GRIN3A: variants seen among roughly 807,000 people sequenced by gnomAD.
GRIN3A encodes glutamate ionotropic receptor NMDA type subunit 3A.
In GRIN3A, 47 loss-of-function variants were observed where a neutral mutation model predicts 92.4. The observed-to-expected ratio is 0.51, with a 90% CI of 0.40 to 0.65. The LOEUF (loss-of-function observed/expected upper bound fraction) is 0.65. GRIN3A is among the 30% of genes least tolerant of loss of function. The pLI, the probability that GRIN3A is intolerant of heterozygous loss-of-function variation, is 0.00. For missense variants in GRIN3A, 1,324 were observed against 1,393.1 expected (o/e 0.95, Z 0.79); for synonymous variants, 527 against 540.6 (o/e 0.97, Z 0.35).
At chr9:101,609,922 C>A (rs1214808687) in intron 6 of GRIN3A, among the ~76,000 whole-genome samples, 1 of 152,182 alleles carries the variant, frequency 6.6e-6, no homozygotes, top group Non-Finnish European at 1.5e-5. Context: ...TGGTCTTGAA[C>A]TCCTGGGCTC....
In GRIN3A at chr9:101,686,642, T is replaced by A; in HGVS notation, c.1258A>T (p.Met420Leu). 6.2e-7 allele frequency: 1 copy of A among 1,614,154 alleles called. No individual in the cohort carries two copies. The highest frequency in any genetic ancestry group is 1.1e-5 in the South Asian group (1 of 91,082). ...GTGAGATTTGTAGTTTCCACCTCCATGCAGTTCATCGTGCTGGGAATGAGA... is the reference window on the plus strand; with the variant it reads ...GTGAGATTTGTAGTTTCCACCTCCAAGCAGTTCATCGTGCTGGGAATGAGA... ...LALIPSTMNC[M>L]EVETTNLTSG... Residue 420 changes from methionine to leucine, a missense_variant, in exon 2 of 9, where the codon ATG (methionine) becomes TTG (leucine). Transcript: ENST00000361820.
intron 6 of GRIN3A, among the ~76,000 whole-genome samples, chr9:101,586,355 A>G (rs1368738818): frequency 6.6e-6 from 1 of 152,172 alleles, no homozygotes; most frequent in African/African-American, 2.4e-5. Flanking sequence ...CACGGTGAAT[A>G]TTTTTTAAAT....
intron 5 of GRIN3A, among the ~76,000 whole-genome samples, chr9:101,620,440 C>T (rs930987654): frequency 1.3e-5 from 2 of 152,138 alleles, no homozygotes; most frequent in South Asian, 2.1e-4. Context: ...ATTCAGACCA[C>T]AGCAGTAGTT....
At chr9:101,724,164 G>C (rs1830052364) in intron 1 of GRIN3A, among the ~76,000 whole-genome samples, 2 of 144,948 alleles carry the variant, frequency 1.4e-5, no homozygotes, top group African/African-American at 5.0e-5. Context: ...ATGGAGCAGG[G>C]GGTGGCGTTC....
At chr9:101,578,249 A>G (rs1795124146) in intron 7 of GRIN3A, among the ~76,000 whole-genome samples, 1 of 152,184 alleles carries the variant, frequency 6.6e-6, no homozygotes, top group Non-Finnish European at 1.5e-5. Flanking sequence ...ATATTAGCAT[A>G]CAATAAGGAA....
At chr9:101,616,860 G>A (rs1588250381) in intron 5 of GRIN3A, among the ~76,000 whole-genome samples, 2 of 140,172 alleles carry the variant, frequency 1.4e-5, no homozygotes, top group East Asian at 2.1e-4. Flanking sequence ...CCTGCACAAT[G>A]TGCACATGTA....
chr9:101,710,915 T>G (rs1271683171), intron 1 of GRIN3A, among the ~76,000 whole-genome samples: 1 of 152,222 alleles, frequency 6.6e-6, no homozygotes, highest in Non-Finnish European at 1.5e-5. Context: ...CTATGTTTTC[T>G]CATATACATA....
At chr9:101,679,794 C>T (rs775313073) in intron 2 of GRIN3A, among the ~76,000 whole-genome samples, 3 of 152,198 alleles carry the variant, frequency 2.0e-5, no homozygotes, top group Non-Finnish European at 4.4e-5. Flanking sequence ...CCTCCAACCC[C>T]TGGCTTCCAT....
At chr9:101,733,619 C>T (rs1297196864) in intron 1 of GRIN3A, among the ~76,000 whole-genome samples, 3 of 152,204 alleles carry the variant, frequency 2.0e-5, no homozygotes, top group Non-Finnish European at 4.4e-5. Context: ...ATATCCCTTA[C>T]TGGTCCCCTC....
chr9:101,675,575 CAG>C (rs1326332752), intron 2 of GRIN3A, among the ~76,000 whole-genome samples: 9 of 151,700 alleles, frequency 5.9e-5, no homozygotes, highest in African/African-American at 2.2e-4. Flanking sequence ...ACAATCTATG[CAG>C]CTTATATTCT....
intron 3 of GRIN3A, among the ~76,000 whole-genome samples, chr9:101,656,851 G>A (rs989534114): frequency 6.6e-6 from 1 of 151,886 alleles, no homozygotes; most frequent in Non-Finnish European, 1.5e-5. Context: ...ATGAGGAGTA[G>A]AGAGCGACAG....
intron 5 of GRIN3A, among the ~76,000 whole-genome samples, chr9:101,619,119 G>T (rs1828512751): frequency 6.6e-6 from 1 of 152,166 alleles, no homozygotes; most frequent in African/African-American, 2.4e-5. Flanking sequence ...TGTATAGTTA[G>T]AAATTCATAG....
intron 1 of GRIN3A, among the ~76,000 whole-genome samples, chr9:101,699,058 C>G (rs920237122): frequency 6.6e-6 from 1 of 152,180 alleles, no homozygotes; most frequent in African/African-American, 2.4e-5. Flanking sequence ...CTTTTTGACT[C>G]TTGAAATAAC....
At chr9:101,677,347 T>A (rs1239423967) in intron 2 of GRIN3A, among the ~76,000 whole-genome samples, 1 of 151,954 alleles carries the variant, frequency 6.6e-6, no homozygotes, top group Non-Finnish European at 1.5e-5. Context: ...TTAATACTCT[T>A]TATTTTATTT....
chr9:101,621,917 A>T (rs982735666), intron 5 of GRIN3A, among the ~76,000 whole-genome samples: 1 of 152,356 alleles, frequency 6.6e-6, no homozygotes, highest in African/African-American at 2.4e-5. Flanking sequence ...GCCACAAAAA[A>T]GGAGAAATTT....
At position 101,705,275 on chromosome 9, in the gene GRIN3A, G is replaced by T. The variant is rs115048466; in HGVS notation, c.700-18075C>A. On this transcript the variant is annotated intron_variant, in intron 1 of 8. Transcript: ENST00000361820. ...AGGAACAGAGCCGCAGAGAACAGAA[G>T]AGGGAGGCAGAGAGCGCAGAGAACA... Among the ~76,000 whole-genome samples, 871 of 152,176 alleles carry T rather than the reference G, an allele frequency of 5.7e-3. 8 individuals carry two copies. Among genetic ancestry groups the T allele is most frequent in the African/African-American group, 0.02 (838 of 41,488 alleles).
At chr9:101,652,131 G>A (rs1445227791) in intron 3 of GRIN3A, among the ~76,000 whole-genome samples, 1 of 152,032 alleles carries the variant, frequency 6.6e-6, no homozygotes, top group Non-Finnish European at 1.5e-5. Flanking sequence ...GGTGCCATGA[G>A]GAGTCATAAT....
At chr9:101,718,745 C>T (rs1195163842) in intron 1 of GRIN3A, among the ~76,000 whole-genome samples, 1 of 152,244 alleles carries the variant, frequency 6.6e-6, no homozygotes, top group South Asian at 2.1e-4. Context: ...TTGGTGTCAG[C>T]GTGTCTTTAA....
Position 101,736,364 on chromosome 9 carries a change from A to T in GRIN3A, c.699+917T>A, listed in dbSNP as rs543779594. 6.6e-5 allele frequency among the ~76,000 whole-genome samples: 10 copies of T among 152,372 alleles called. No individual in the cohort carries two copies. The South Asian group carries it at 2.1e-3, about 32-fold the overall frequency. The stretch of plus-strand genomic sequence containing the variant: ...TAAAAGGCAGAAAACTCATTACTAA[A>T]TAAGGACTCTGTCTTGTTCTTAAAG... On this transcript the variant is annotated intron_variant, in intron 1 of 8. Coordinates refer to ENST00000361820, the MANE Select transcript of GRIN3A (RefSeq NM_133445.3).
Sources: allele counts gnomAD v4.1 joint callset (sites outside exome capture counted in the v4.1 genomes callset), GRCh38; gene constraint gnomAD v4.1.1; transcripts MANE v1.5; gene names NCBI Gene and HGNC (gene_info 2026-07-23, HGNC 2026-07-21).